The following CYB5D2 variants were observed in gnomAD, a reference collection of about 807,000 sequenced individuals.
CYB5D2 encodes the protein cytochrome b5 domain containing 2.
A neutral mutation model predicts 22.8 loss-of-function variants in CYB5D2; 23 were observed. That is an observed-to-expected ratio of 1.01 (90% CI 0.73 to 1.43). The LOEUF (loss-of-function observed/expected upper bound fraction) is 1.43. Among genes scored for constraint, CYB5D2 ranks in the 40% most tolerant of loss-of-function variants. CYB5D2 has a pLI of 0.00. For missense variants in CYB5D2, 373 were observed against 357.2 expected (o/e 1.04, Z -0.36); for synonymous variants, 170 against 152.2 (o/e 1.12, Z -0.86).
chr17:4,154,954 T>A, intron 3 of CYB5D2, 94 bp downstream of exon 3: 2 of 1,327,650 alleles, frequency 1.5e-6, no homozygotes, highest in Non-Finnish European at 2.0e-6. Flanking sequence ...AGGAATTGAT[T>A]GTTAACCCTG....
intron 2 of CYB5D2, among the ~76,000 whole-genome samples, chr17:4,151,780 G>A (rs556352644): frequency 1.3e-5 from 2 of 151,534 alleles, no homozygotes; most frequent in South Asian, 2.1e-4. Context: ...TGAGGTGGTC[G>A]GATCAGTTGA....
intron 1 of CYB5D2, 126 bp downstream of exon 1, chr17:4,144,131 T>C: frequency 7.4e-7 from 1 of 1,349,332 alleles, no homozygotes; most frequent in Non-Finnish European, 9.9e-7. Flanking sequence ...ATCAAACCCG[T>C]GCGGTGGGCG....
intron 1 of CYB5D2, among the ~76,000 whole-genome samples, chr17:4,148,825 G>A (rs1157334115): frequency 4.6e-5 from 7 of 151,694 alleles, no homozygotes; most frequent in African/African-American, 1.7e-4. Context: ...TCCGTCTCAT[G>A]CACAAAAAAA....
Position 4,143,644 on chromosome 17 carries a change from AG to A in CYB5D2, c.-111del. ...GAGGGAGCGCGAGCACTAGCGCGCGAGAGAGAGAGCGAGAGCGCGCGCGCCG... is the reference window on the plus strand; with the variant it reads ...GAGGGAGCGCGAGCACTAGCGCGCGAAGAGAGAGCGAGAGCGCGCGCGCCG... On this transcript the variant is annotated 5_prime_UTR_variant, in exon 1 of 4. Transcript: ENST00000301391. 1.0e-6 allele frequency: 1 copy of A among 979,604 alleles called. No homozygotes were observed. The highest frequency in any genetic ancestry group is 1.9e-5 in the South Asian group (1 of 51,772). The allele number at this position is 979,604 out of a possible 1,614,324, so 60.7% of individuals were successfully genotyped here. A position where few individuals can be genotyped will look rare whatever the true frequency, so the allele number is the denominator to read the frequency against.
rs985511474 is a variant in CYB5D2 at position 4,157,226 on chromosome 17, C to T, written c.*144C>T. ...CTGGCTATATTCTGCAAATGTGGCT[C>T]ATGCCCCTTACCGTGGCTCGGCGTT... On this transcript the variant is annotated 3_prime_UTR_variant, in exon 4 of 4. Transcript: ENST00000301391. The surrounding 1 kb of genome is among the most constrained non-coding windows in gnomAD (Gnocchi z 4.4). The T allele has an allele frequency of 2.0e-5, 19 of 958,150 alleles. No homozygotes were observed. Among genetic ancestry groups the T allele is most frequent in the Non-Finnish European group, 2.6e-5 (17 of 646,468 alleles). 59.4% of individuals were successfully genotyped at this position (958,150 alleles called of 1,614,324 possible). A position where few individuals can be genotyped will look rare whatever the true frequency, so the allele number is the denominator to read the frequency against.
intron 3 of CYB5D2, among the ~76,000 whole-genome samples, chr17:4,155,877 C>G (rs2059108150): frequency 6.6e-6 from 1 of 152,262 alleles, no homozygotes; most frequent in African/African-American, 2.4e-5. Flanking sequence ...CAAAACCCTT[C>G]CAGGGCCACC....
chr17:4,148,106 A>C (rs1220063979), intron 1 of CYB5D2, among the ~76,000 whole-genome samples: 1 of 152,138 alleles, frequency 6.6e-6, no homozygotes, highest in Non-Finnish European at 1.5e-5. Context: ...CAGGTGAGAA[A>C]GGATGGCAGC....
intron 1 of CYB5D2, among the ~76,000 whole-genome samples, chr17:4,145,388 G>A (rs1012359577): frequency 6.6e-6 from 1 of 152,184 alleles, no homozygotes; most frequent in Admixed American, 6.5e-5. Context: ...ACTTACTCAG[G>A]GGTACACAGT....
chr17:4,148,269 C>T, intron 1 of CYB5D2, among the ~76,000 whole-genome samples: 1 of 148,860 alleles, frequency 6.7e-6, no homozygotes, highest in South Asian at 2.2e-4. Context: ...CTAATGCCAG[C>T]ACTTTGGGAG....
At chr17:4,153,549 T>C (rs999566446) in intron 2 of CYB5D2, among the ~76,000 whole-genome samples, 5 of 152,168 alleles carry the variant, frequency 3.3e-5, no homozygotes, top group Non-Finnish European at 5.9e-5. Context: ...CATGGTAGGA[T>C]TCATGTTTTT....
At chr17:4,145,327 GA>G (rs2058976591) in intron 1 of CYB5D2, among the ~76,000 whole-genome samples, 1 of 152,212 alleles carries the variant, frequency 6.6e-6, no homozygotes, top group African/African-American at 2.4e-5. Flanking sequence ...GAAAAGGAAT[GA>G]AGTCCAGTTG....
At position 4,143,394 on chromosome 17, in the gene CYB5D2, C is replaced by G. The variant is rs1198212647; in HGVS notation, c.-362C>G. 2 of 189,274 alleles carry G rather than the reference C, an allele frequency of 1.1e-5. No individual in the cohort carries two copies. The highest frequency in any genetic ancestry group is 2.2e-5 in the Non-Finnish European group (2 of 90,852). 11.7% of individuals were successfully genotyped at this position (189,274 alleles called of 1,614,324 possible). ...ACAAAATATTAGCCGGACGTGGGGGCGCGTGCCTGTAATCCCAGCTACTTG... is the reference window on the plus strand; with the variant it reads ...ACAAAATATTAGCCGGACGTGGGGGGGCGTGCCTGTAATCCCAGCTACTTG... On this transcript the variant is annotated 5_prime_UTR_variant, in exon 1 of 4. Coordinates refer to ENST00000301391, the MANE Select transcript of CYB5D2 (RefSeq NM_144611.4).
intron 2 of CYB5D2, among the ~76,000 whole-genome samples, chr17:4,154,043 A>G (rs1301912020): frequency 6.6e-6 from 1 of 152,196 alleles, no homozygotes; most frequent in African/African-American, 2.4e-5. Flanking sequence ...GGACTGGGCT[A>G]CATTAGGACC....
At chr17:4,144,045 C>G (rs202094041) in intron 1 of CYB5D2, 40 bp downstream of exon 1, 21 of 1,543,138 alleles carry the variant, frequency 1.4e-5, no homozygotes, top group South Asian at 1.2e-5. Flanking sequence ...TCCGCTGGCG[C>G]GAGCCAGTAG....
At chr17:4,153,687 A>G (rs1031932327) in intron 2 of CYB5D2, among the ~76,000 whole-genome samples, 1 of 152,122 alleles carries the variant, frequency 6.6e-6, no homozygotes, top group African/African-American at 2.4e-5. Context: ...AATGGAAAGG[A>G]GTGAACAGAA....
In CYB5D2 at chr17:4,154,660, TC is replaced by T. The variant is rs2059093189; in HGVS notation, c.392-12del. The T allele has an allele frequency of 6.2e-7, 1 of 1,611,248 alleles. No individual in the cohort carries two copies. The highest frequency in any genetic ancestry group is 1.3e-5 in the African/African-American group (1 of 74,846). On this transcript the variant is annotated splice_polypyrimidine_tract_variant and intron_variant, in intron 2 of 3. Transcript: ENST00000301391. ...TATTCACTCTCACTCACATCTGCCT[TC>T]CTGTCATCACAGGGAGGGTGACAGG...
intron 2 of CYB5D2, among the ~76,000 whole-genome samples, chr17:4,154,397 G>A (rs939297254): frequency 2.0e-5 from 3 of 152,232 alleles, no homozygotes; most frequent in African/African-American, 7.2e-5. Flanking sequence ...ATCACACATG[G>A]CTGTGCCCTC....
chr17:4,150,092 G>T, intron 2 of CYB5D2, 61 bp downstream of exon 2: 1 of 1,581,982 alleles, frequency 6.3e-7, no homozygotes, highest in Non-Finnish European at 8.6e-7. Context: ...AGGGGGCTGA[G>T]ATTTTTTAGG....
Position 4,150,110 on chromosome 17 carries a change from T to A in CYB5D2, c.391+79T>A. ...GGGCTGAGATTTTTTAGGGATTGGG[T>A]TCAAGCTTAAAATCTGAAAAACAGC... is the stretch of plus-strand genomic sequence containing the variant. On this transcript the variant is annotated intron_variant, in intron 2 of 3. Coordinates refer to ENST00000301391, the MANE Select transcript of CYB5D2 (RefSeq NM_144611.4). 9.1e-6 allele frequency: 14 copies of A among 1,545,916 alleles called. No homozygotes were observed. The South Asian group carries it at 1.4e-4, about 15-fold the overall frequency.
Sources: allele counts gnomAD v4.1 joint callset (sites outside exome capture counted in the v4.1 genomes callset), GRCh38; gene constraint gnomAD v4.1.1; non-coding constraint Gnocchi (gnomAD v3.1); transcripts MANE v1.5; gene names NCBI Gene and HGNC (gene_info 2026-07-23, HGNC 2026-07-21).